The following FRA10AC1 variants were observed in gnomAD, a reference collection of about 807,000 sequenced individuals.
FRA10AC1 encodes the protein FRA10A associated CGG repeat 1, also known as protein FRA10AC1.
In FRA10AC1, 43 loss-of-function variants were observed where a neutral mutation model predicts 56.5. The observed-to-expected ratio is 0.76, with a 90% CI of 0.60 to 0.98. The LOEUF (loss-of-function observed/expected upper bound fraction) is 0.98, where lower values mean the gene tolerates loss of function less well. FRA10AC1 is among the 50% of genes least tolerant of loss of function. The probability of loss-of-function intolerance (pLI) is 0.00; values close to 1 mark genes in which losing one functional copy is unlikely to be tolerated. For missense variants in FRA10AC1, 346 were observed against 351.8 expected (o/e 0.98, Z 0.13); for synonymous variants, 112 against 110.5 (o/e 1.01, Z -0.09).
intron 8 of FRA10AC1, among the ~76,000 whole-genome samples, chr10:93,686,033 T>G (rs1327217045): frequency 1.3e-5 from 2 of 151,512 alleles, no homozygotes; most frequent in Non-Finnish European, 3.0e-5. Context: ...ACTGATAACC[T>G]GAGAGAAAAA....
chr10:93,693,524 TATACACC>T (rs1426312124), intron 5 of FRA10AC1, among the ~76,000 whole-genome samples: 5 of 13,456 alleles, frequency 3.7e-4, no homozygotes, highest in East Asian at 3.2e-3. Flanking sequence ...TATATATATA[TATACACC>T]ATATATATAT....
intron 12 of FRA10AC1, chr10:93,672,254 G>C (rs901914634): frequency 1.7e-5 from 4 of 233,532 alleles, no homozygotes; most frequent in Non-Finnish European, 2.5e-5. Flanking sequence ...GCTCCTAACT[G>C]AATCTATTCT....
intron 11 of FRA10AC1, among the ~76,000 whole-genome samples, chr10:93,676,980 C>T (rs999657987): frequency 1.3e-5 from 2 of 152,110 alleles, no homozygotes; most frequent in South Asian, 4.1e-4. Context: ...AAAAGAAAAC[C>T]TCACAGATAA....
chr10:93,672,257 T>C (rs1156460117), intron 12 of FRA10AC1: 5 of 233,136 alleles, frequency 2.1e-5, no homozygotes, highest in Non-Finnish European at 3.4e-5. Context: ...CCTAACTGAA[T>C]CTATTCTGAC....
At chr10:93,694,817 C>G (rs759143202) in intron 5 of FRA10AC1, 44 bp downstream of exon 5, 1 of 1,115,470 alleles carries the variant, frequency 9.0e-7, no homozygotes, top group African/African-American at 1.5e-5. Flanking sequence ...TTTAAAGTTT[C>G]CCATAACCCA....
Position 93,668,729 on chromosome 10 carries a change from G to C in FRA10AC1, c.*1097C>G, listed in dbSNP as rs1445473996. The C allele has an allele frequency of 6.6e-6, 1 of 152,274 alleles. No homozygotes were observed. The highest frequency in any genetic ancestry group is 1.5e-5 in the Non-Finnish European group (1 of 68,106). The allele number at this position is 152,274 out of a possible 1,614,324, so 9.4% of individuals were successfully genotyped here. A position where few individuals can be genotyped will look rare whatever the true frequency, so the allele number is the denominator to read the frequency against. On this transcript the variant is annotated 3_prime_UTR_variant, in exon 14 of 14. Transcript: ENST00000359204. Reference sequence around the variant, plus strand: ...GCCCCTGATAAAACCATCAGATCTTGTGAGACTTATTCACTACCACAAGAA... The same window carrying C: ...GCCCCTGATAAAACCATCAGATCTTCTGAGACTTATTCACTACCACAAGAA...
At position 93,669,032 on chromosome 10, in the gene FRA10AC1, T is replaced by C. The variant is rs2058720899; in HGVS notation, c.*794A>G. 1 of 152,156 alleles carries C rather than the reference T, an allele frequency of 6.6e-6. No individual in the cohort carries two copies. Among genetic ancestry groups the C allele is most frequent in the African/African-American group, 2.4e-5 (1 of 41,426 alleles). 9.4% of individuals were successfully genotyped at this position (152,156 alleles called of 1,614,324 possible). A position where few individuals can be genotyped will look rare whatever the true frequency, so the allele number is the denominator to read the frequency against. On this transcript the variant is annotated 3_prime_UTR_variant, in exon 14 of 14. Transcript: ENST00000359204. ...TTTAGACTACTGGGACCTCACTGGC[T>C]CCCTGTGGTAATAATTTACTTAATA... is the stretch of plus-strand genomic sequence containing the variant.
chr10:93,680,026 T>A (rs775282722), intron 11 of FRA10AC1, among the ~76,000 whole-genome samples: 3 of 152,128 alleles, frequency 2.0e-5, no homozygotes, highest in African/African-American at 7.2e-5. Context: ...ATAAGGAAGA[T>A]CATGTGCATA....
intron 10 of FRA10AC1, among the ~76,000 whole-genome samples, chr10:93,683,423 T>G (rs1164213026): frequency 6.6e-6 from 1 of 152,080 alleles, no homozygotes; most frequent in South Asian, 2.1e-4. Context: ...CAATCTTGGC[T>G]CACTGCAACC....
intron 5 of FRA10AC1, 71 bp downstream of exon 5, chr10:93,694,790 C>T: frequency 1.4e-6 from 1 of 727,370 alleles, no homozygotes; most frequent in Non-Finnish European, 2.4e-6. Context: ...AATCAGAAGG[C>T]ACAGTAGCTG....
At position 93,694,867 on chromosome 10, in the gene FRA10AC1, C is replaced by G; in HGVS notation, c.290G>C (p.Arg97Pro). 4 of 1,580,322 alleles carry G rather than the reference C, an allele frequency of 2.5e-6. No homozygotes were observed. Among genetic ancestry groups the G allele is most frequent in the Non-Finnish European group, 3.5e-6 (4 of 1,149,514 alleles). ...YYGGKKEDFKRLGENDKTDLD... is the reference protein window; with the variant it reads ...YYGGKKEDFKPLGENDKTDLD... ...TAAACTTCCTGATACTTACCCCAAA[C>G]GCTTGAAGTCTTCTTTTTTGCCACC... The change falls in exon 5 of 14, where the codon CGT becomes CCT. Residue 97 changes from arginine to proline, a missense_variant. Arg to Pro is a moderately radical substitution (Grantham distance 103, BLOSUM62 -2). Coordinates refer to ENST00000359204, the MANE Select transcript of FRA10AC1 (RefSeq NM_145246.5).
intron 13 of FRA10AC1, 125 bp downstream of exon 13, chr10:93,670,645 G>A (rs2058746012): frequency 1.7e-6 from 1 of 584,070 alleles, no homozygotes; most frequent in Admixed American, 2.9e-5. Context: ...AATCTTACCA[G>A]GCTAGGCAGT....
chr10:93,686,288 G>T (rs1265494288), intron 8 of FRA10AC1, among the ~76,000 whole-genome samples: 1 of 151,714 alleles, frequency 6.6e-6, no homozygotes, highest in Non-Finnish European at 1.5e-5. Context: ...AGTAGGTAAG[G>T]CTTTGTTGTT....
chr10:93,686,670 T>C (rs1049974807), intron 8 of FRA10AC1, among the ~76,000 whole-genome samples: 9 of 151,786 alleles, frequency 5.9e-5, no homozygotes, highest in African/African-American at 1.9e-4. Flanking sequence ...AGCATAAATA[T>C]TTAATCATTT....
At chr10:93,676,624 T>A in intron 12 of FRA10AC1, 29 bp downstream of exon 12, 1 of 1,544,488 alleles carries the variant, frequency 6.5e-7, no homozygotes, top group Non-Finnish European at 8.7e-7. Flanking sequence ...CAAATGCATA[T>A]TTTTATTAAA....
At chr10:93,684,218 A>C in intron 9 of FRA10AC1, 120 bp from the exon 10 acceptor site, 1 of 676,230 alleles carries the variant, frequency 1.5e-6, no homozygotes. Context: ...TAAACAAACA[A>C]TCCAAAGAAA....
chr10:93,670,848 C>A lies in FRA10AC1; in HGVS notation c.827G>T (p.Arg276Ile). The A allele has an allele frequency of 6.2e-7, 1 of 1,604,710 alleles. No homozygotes were observed. Among genetic ancestry groups the A allele is most frequent in the Non-Finnish European group, 8.5e-7 (1 of 1,172,250 alleles). ...AGCACTTTCTTCCTCATCAGAGTTT[C>A]CTGTTCATTTAAAAAAGATGATTTT... Reference protein sequence around the residue: ...SSKKSEDSLLRNSDEEESASE... With the variant: ...SSKKSEDSLLINSDEEESASE... Residue 276 changes from arginine (R) to isoleucine (I), a missense_variant and splice_region_variant, in exon 13 of 14, where the codon AGA (arginine) becomes ATA (isoleucine). Arg to Ile is a moderately conservative substitution (Grantham distance 97). Transcript: ENST00000359204.
chr10:93,700,094 C>T lies in FRA10AC1; in HGVS notation c.13G>A (p.Gly5Arg). The T allele has an allele frequency of 1.9e-6, 3 of 1,590,842 alleles. No individual in the cohort carries two copies. The highest frequency in any genetic ancestry group is 2.2e-5 in the East Asian group (1 of 44,662). Residue 5 changes from glycine (G) to arginine (R), a missense_variant, in exon 2 of 14, where the codon GGA becomes AGA. Gly to Arg is a moderately radical substitution (Grantham distance 125, BLOSUM62 -2). Transcript: ENST00000359204. MHGH[G>R]GYDSDFSDDE... ...TCACTAAAATCAGAATCATAGCCTC[C>T]ATGACCATGCATCTGTAAAGGAGTA...
rs1452080664 is a variant in FRA10AC1, at chr10:93,671,078, A to T, written c.827-230T>A. 3.8e-5 allele frequency: 16 copies of T among 424,502 alleles called. No homozygotes were observed. In the Admixed American group the frequency reaches 5.7e-4, roughly 15 times the overall value. 26.3% of individuals were successfully genotyped at this position (424,502 alleles called of 1,614,324 possible). Reference sequence around the variant, plus strand: ...GGCCAAGGATTTTAAGTCTCATCGAAACTTCTCTAAGTTACACTGAGTTAA... The same window carrying T: ...GGCCAAGGATTTTAAGTCTCATCGATACTTCTCTAAGTTACACTGAGTTAA... On this transcript the variant is annotated intron_variant, in intron 12 of 13. Transcript: ENST00000359204.
Sources: gnomAD v4.1 joint callset for allele counts (sites outside exome capture counted in the v4.1 genomes callset) on GRCh38, gnomAD v4.1.1 for gene constraint, MANE v1.5 for transcripts, NCBI Gene and HGNC (gene_info 2026-07-23, HGNC 2026-07-21) for gene names.